The following COL6A5 variants were observed in gnomAD, a reference collection of about 807,000 sequenced individuals.
COL6A5 encodes collagen alpha-5(VI) chain.
Under a neutral mutation model 65.6 loss-of-function variants are expected in COL6A5, and 48 were observed. The ratio of observed to expected loss-of-function variants is 0.73; its 90% confidence interval spans 0.58 to 0.93. COL6A5 has a LOEUF of 0.93. Ranked by LOEUF, COL6A5 falls within the 40% of genes least tolerant of loss-of-function variation. The probability of loss-of-function intolerance (pLI) is 0.00; values close to 1 mark genes in which losing one functional copy is unlikely to be tolerated. For missense variants in COL6A5, 914 were observed against 928.3 expected (o/e 0.98, Z 0.20); for synonymous variants, 291 against 322.8 (o/e 0.90, Z 1.05).
exon 6 of COL6A5, chr3:130,469,224 A>G: frequency 6.2e-7 from 1 of 1,613,282 alleles, no homozygotes; most frequent in Non-Finnish European, 8.5e-7. Context: ...CTGAGGAAAA[A>G]CAAAGTTATC....
intron 2 of COL6A5, among the ~76,000 whole-genome samples, chr3:130,375,795 A>G (rs1362330161): frequency 6.6e-6 from 1 of 152,004 alleles, no homozygotes; most frequent in East Asian, 1.9e-4. Context: ...AGCCATGAGA[A>G]CTCATGAGAC....
Position 130,455,438 on chromosome 3 carries a change from G to GT in COL6A5, c.1333-8dup, listed in dbSNP as rs761695159. On this transcript the variant is annotated splice_polypyrimidine_tract_variant and intron_variant, in intron 4 of 7. Transcript: ENST00000512836. ...CTAAAGTTATCTAGACTCACCTAAA[G>GT]TTTTTTTTTCTTCTAGATTTGTTAC... 1.2e-3 allele frequency: 1,775 copies of GT among 1,502,682 alleles called. No homozygotes were observed. Among genetic ancestry groups the GT allele is most frequent in the South Asian group, 1.4e-3 (119 of 85,672 alleles). The allele number at this position is 1,502,682 out of a possible 1,614,324, so 93.1% of individuals were successfully genotyped here.
intron 1 of COL6A5, 85 bp from the exon 34 acceptor site, chr3:130,439,437 G>GT (rs1709116565): frequency 1.1e-6 from 1 of 929,840 alleles, no homozygotes; most frequent in Non-Finnish European, 1.7e-6. Context: ...TTAGTTGGGT[G>GT]TTTTTTAAAC....
chr3:130,357,474 G>A (rs772907472), intron 1 of COL6A5, among the ~76,000 whole-genome samples: 15 of 152,152 alleles, frequency 9.9e-5, no homozygotes, highest in Non-Finnish European at 1.6e-4. Flanking sequence ...AATCCAACAT[G>A]ATTGATACCT....
At chr3:130,386,576 C>A (rs1936196224) in intron 5 of COL6A5, among the ~76,000 whole-genome samples, 2 of 152,012 alleles carry the variant, frequency 1.3e-5, no homozygotes, top group Non-Finnish European at 2.9e-5. Context: ...AGAGTTGGGT[C>A]TTTAGGGTGT....
exon 14 of COL6A5, chr3:130,405,634 G>A: frequency 1.3e-6 from 2 of 1,550,812 alleles, no homozygotes; most frequent in Non-Finnish European, 1.7e-6. Flanking sequence ...GGGATTGCAG[G>A]ATGTCCAGGG....
At position 130,471,679 on chromosome 3, in the gene COL6A5, C is replaced by CAGGGA. The variant is rs1174585019; in HGVS notation, c.2328+714_2328+715insGGAAG. ...TTTTTATCTCTCTTCTCTATTACCT[C>CAGGGA]AGACTTCTTCCTGGGATATATGAAA... On this transcript the variant is annotated intron_variant, in intron 7 of 7. Coordinates refer to ENST00000512836, the Ensembl canonical transcript of COL6A5. 1.3e-6 allele frequency: 2 copies of CAGGGA among 1,534,152 alleles called. No homozygotes were observed. Among genetic ancestry groups the CAGGGA allele is most frequent in the Admixed American group, 3.9e-5 (2 of 50,908 alleles).
At chr3:130,405,200 T>C (rs1341845362) in intron 13 of COL6A5, among the ~76,000 whole-genome samples, 1 of 152,186 alleles carries the variant, frequency 6.6e-6, no homozygotes, top group Non-Finnish European at 1.5e-5. Context: ...ACCCTAGCAC[T>C]GACTTGTGGG....
chr3:130,365,715 G>A (rs1316543646), intron 1 of COL6A5, among the ~76,000 whole-genome samples: 1 of 152,154 alleles, frequency 6.6e-6, no homozygotes, highest in African/African-American at 2.4e-5. Context: ...TTTCTGTAGA[G>A]AGCTTGCTTA....
At chr3:130,375,405 T>G (rs1935726644) in intron 2 of COL6A5, among the ~76,000 whole-genome samples, 1 of 152,224 alleles carries the variant, frequency 6.6e-6, no homozygotes, top group East Asian at 1.9e-4. Context: ...GCAGAGCAGG[T>G]CAAAGCTAGA....
intron 1 of COL6A5, among the ~76,000 whole-genome samples, chr3:130,370,216 G>T (rs76529585): frequency 0.016 from 2,446 of 152,244 alleles, 70 homozygotes; most frequent in African/African-American, 0.056. Context: ...ATATCTTAGG[G>T]TCTGTATATT....
intron 1 of COL6A5, among the ~76,000 whole-genome samples, chr3:130,362,904 T>A (rs1263665599): frequency 6.6e-6 from 1 of 152,210 alleles, no homozygotes; most frequent in African/African-American, 2.4e-5. Flanking sequence ...TTTCTTTTAA[T>A]CTACATTTAT....
chr3:130,391,398 A>G, exon 7 of COL6A5: 1 of 1,551,738 alleles, frequency 6.4e-7, no homozygotes. Flanking sequence ...GCAATAATTG[A>G]GAATCTGCGG....
chr3:130,347,653 A>T (rs1265514057), intron 1 of COL6A5, among the ~76,000 whole-genome samples: 1 of 152,184 alleles, frequency 6.6e-6, no homozygotes, highest in Non-Finnish European at 1.5e-5. Context: ...ATTGTATTTC[A>T]TGTTGTGATT....
intron 1 of COL6A5, among the ~76,000 whole-genome samples, chr3:130,358,196 A>T (rs9833122): frequency 0.7 from 106,540 of 151,824 alleles, 40,210 homozygotes; most frequent in Non-Finnish European, 0.85. Context: ...CTCAAAAAAA[A>T]AAATAAATAA....
exon 6 of COL6A5, chr3:130,469,008 G>T: frequency 6.2e-7 from 1 of 1,612,874 alleles, no homozygotes. Context: ...TTAGGAGACA[G>T]GGTTGCTGTC....
At chr3:130,440,825 C>A (rs75098601) in exon 3 of COL6A5, 91 of 1,602,032 alleles carry the variant, frequency 5.7e-5, no homozygotes, top group Non-Finnish European at 1.5e-5. Context: ...CTCGGTCAGG[C>A]GTAAGTTATT....
exon 3 of COL6A5, chr3:130,376,364 C>G (rs779152495): frequency 1.2e-6 from 2 of 1,613,756 alleles, no homozygotes; most frequent in Non-Finnish European, 8.5e-7. Context: ...TAGAGGCCAA[C>G]AAATACCGTG....
At chr3:130,443,142 A>G (rs1709224987) in intron 3 of COL6A5, among the ~76,000 whole-genome samples, 1 of 152,130 alleles carries the variant, frequency 6.6e-6, no homozygotes, top group South Asian at 2.1e-4. Flanking sequence ...TCTGGGTGAA[A>G]AACCTTTGAT....
Sources: gnomAD v4.1 joint callset for allele counts (sites outside exome capture counted in the v4.1 genomes callset) on GRCh38, gnomAD v4.1.1 for gene constraint, MANE v1.5 for transcripts, NCBI Gene and HGNC (gene_info 2026-07-23, HGNC 2026-07-21) for gene names.